Variants in ZFAND6 observed in about 807,000 individuals in gnomAD.
ZFAND6 encodes the protein AN1-type zinc finger protein 6.
A neutral mutation model predicts 24.5 loss-of-function variants in ZFAND6; 12 were observed. The ratio of observed to expected loss-of-function variants is 0.49; its 90% CI spans 0.31 to 0.79. The LOEUF is 0.79. Ranked by LOEUF, ZFAND6 falls within the 30% of genes least tolerant of loss-of-function variation. The pLI is 0.04. For missense variants in ZFAND6, 207 were observed against 245.9 expected (o/e 0.84, Z 1.06); for synonymous variants, 92 against 81.5 (o/e 1.13, Z -0.69).
At chr15:80,113,904 A>C (rs1307222065) in intron 2 of ZFAND6, among the ~76,000 whole-genome samples, 1 of 152,104 alleles carries the variant, frequency 6.6e-6, no homozygotes, top group Non-Finnish European at 1.5e-5. Flanking sequence ...TTCCTTAGGA[A>C]TATAGAGTAG....
chr15:80,136,103 G>A (rs2142070412), intron 6 of ZFAND6, among the ~76,000 whole-genome samples: 2 of 150,634 alleles, frequency 1.3e-5, no homozygotes, highest in African/African-American at 4.9e-5. Flanking sequence ...ACCAGCCTGA[G>A]TGACAGTGAG....
chr15:80,099,098 C>T (rs982286873), intron 2 of ZFAND6, among the ~76,000 whole-genome samples: 6 of 151,976 alleles, frequency 3.9e-5, no homozygotes, highest in Non-Finnish European at 7.4e-5. Flanking sequence ...CACCCTTGTT[C>T]CCTAAATGCA....
chr15:80,106,863 C>T (rs1025447176), intron 2 of ZFAND6, among the ~76,000 whole-genome samples: 1 of 152,022 alleles, frequency 6.6e-6, no homozygotes, highest in African/African-American at 2.4e-5. Flanking sequence ...TCTGGGGTGA[C>T]GTATCTCAAA....
intron 6 of ZFAND6, among the ~76,000 whole-genome samples, chr15:80,134,542 A>T (rs1479068551): frequency 6.6e-6 from 1 of 152,260 alleles, no homozygotes; most frequent in Non-Finnish European, 1.5e-5. Flanking sequence ...TTAGAAAAAG[A>T]TGTGAAAGCT....
intron 1 of ZFAND6, among the ~76,000 whole-genome samples, chr15:80,090,493 G>A (rs1217459200): frequency 6.6e-6 from 1 of 152,182 alleles, no homozygotes; most frequent in East Asian, 1.9e-4. Context: ...AGACAATGCA[G>A]ATAAAACATT....
intron 5 of ZFAND6, chr15:80,130,619 A>C (rs2040556927): frequency 6.6e-6 from 1 of 152,262 alleles, no homozygotes. Context: ...ACATAAATGC[A>C]TCAACTTATT....
At chr15:80,066,249 A>AT (rs1431408771) in intron 1 of ZFAND6, among the ~76,000 whole-genome samples, 2 of 151,880 alleles carry the variant, frequency 1.3e-5, no homozygotes, top group Non-Finnish European at 2.9e-5. Flanking sequence ...TGAGGATGTC[A>AT]TGTTTAAGTT....
intron 1 of ZFAND6, among the ~76,000 whole-genome samples, chr15:80,097,838 G>GTT (rs964265041): frequency 2.1e-5 from 3 of 145,398 alleles, no homozygotes; most frequent in Non-Finnish European, 1.5e-5. Context: ...TAGTAGAATA[G>GTT]TTTTTTTTTT....
intron 2 of ZFAND6, among the ~76,000 whole-genome samples, chr15:80,099,725 T>C (rs972447873): frequency 2.0e-5 from 3 of 147,076 alleles, no homozygotes; most frequent in African/African-American, 7.5e-5. Flanking sequence ...CAAGTAATTC[T>C]CCTGTCTCAG....
intron 5 of ZFAND6, among the ~76,000 whole-genome samples, chr15:80,127,279 A>G (rs1211084995): frequency 6.6e-6 from 1 of 152,026 alleles, no homozygotes; most frequent in African/African-American, 2.4e-5. Flanking sequence ...CAAGTTTCCA[A>G]TAAACACATG....
intron 6 of ZFAND6, among the ~76,000 whole-genome samples, chr15:80,132,678 G>A (rs1056630596): frequency 6.6e-6 from 1 of 152,116 alleles, no homozygotes; most frequent in East Asian, 1.9e-4. Flanking sequence ...ATCTCTTGTG[G>A]TTCTCATGTA....
chr15:80,083,408 A>T (rs2037800149), intron 1 of ZFAND6, among the ~76,000 whole-genome samples: 1 of 152,232 alleles, frequency 6.6e-6, no homozygotes, highest in Non-Finnish European at 1.5e-5. Flanking sequence ...AGAACTTATG[A>T]TATGTTGGGG....
chr15:80,074,878 T>C (rs2037178395), intron 1 of ZFAND6, among the ~76,000 whole-genome samples: 1 of 152,044 alleles, frequency 6.6e-6, no homozygotes, highest in East Asian at 1.9e-4. Flanking sequence ...AAGACAATTC[T>C]AAGACAATCA....
At chr15:80,105,647 C>A (rs11633189) in intron 2 of ZFAND6, among the ~76,000 whole-genome samples, 1 of 152,200 alleles carries the variant, frequency 6.6e-6, no homozygotes, top group African/African-American at 2.4e-5. Flanking sequence ...GTACTTCAGG[C>A]TAAGCACTTA....
At chr15:80,126,424 G>A (rs149606972) in intron 5 of ZFAND6, among the ~76,000 whole-genome samples, 13 of 152,272 alleles carry the variant, frequency 8.5e-5, no homozygotes, top group African/African-American at 2.6e-4. Context: ...GTGTTGTACC[G>A]GCATGAGGAT....
intron 2 of ZFAND6, among the ~76,000 whole-genome samples, chr15:80,110,408 A>G (rs760299010): frequency 6.6e-6 from 1 of 152,224 alleles, no homozygotes; most frequent in South Asian, 2.1e-4. Flanking sequence ...AAACATTATG[A>G]ATCTAAAGGA....
chr15:80,107,627 C>G (rs1355307681), intron 2 of ZFAND6, among the ~76,000 whole-genome samples: 1 of 152,040 alleles, frequency 6.6e-6, no homozygotes, highest in Non-Finnish European at 1.5e-5. Flanking sequence ...GAGTTCAAGA[C>G]CAGTCTGGCC....
At chr15:80,111,653 A>G in intron 2 of ZFAND6, 1 of 336,764 alleles carries the variant, frequency 3.0e-6, no homozygotes, top group South Asian at 2.4e-5. Flanking sequence ...TAAGTTTTTA[A>G]TAAAGTTTTC....
chr15:80,100,876 C>T (rs2038991918), intron 2 of ZFAND6, among the ~76,000 whole-genome samples: 1 of 152,182 alleles, frequency 6.6e-6, no homozygotes, highest in South Asian at 2.1e-4. Flanking sequence ...CTCTGTGATA[C>T]TGAGCAAATT....
Sources: gnomAD v4.1 joint callset for allele counts (sites outside exome capture counted in the v4.1 genomes callset) on GRCh38, gnomAD v4.1.1 for gene constraint, MANE v1.5 for transcripts, NCBI Gene and HGNC (gene_info 2026-07-23, HGNC 2026-07-21) for gene names.